Variants in CARS1 observed in about 807,000 individuals in gnomAD.
CARS1 encodes the protein cysteinyl-tRNA synthetase 1, also known as cysteine--tRNA ligase, cytoplasmic.
CARS1 carries 48 observed loss-of-function variants against 106.2 expected under a neutral mutation model. The ratio of observed to expected loss-of-function variants is 0.45; its 90% CI spans 0.36 to 0.57. CARS1 has a LOEUF of 0.57. Among genes scored for constraint, CARS1 ranks in the 20% least tolerant of loss-of-function variants. The pLI is 0.00. For synonymous variants in CARS1, 409 were observed against 403.4 expected (o/e 1.01, Z -0.17); for missense variants, 968 against 1,057.2 (o/e 0.92, Z 1.17).
chr11:3,033,655 A>G (rs1014813324), intron 7 of CARS1, among the ~76,000 whole-genome samples: 9 of 152,228 alleles, frequency 5.9e-5, no homozygotes, highest in African/African-American at 2.2e-4. Context: ...GAGACAAAGA[A>G]AAACAGAATA....
rs1402569560 is a variant in CARS1 at position 3,019,148 on chromosome 11, T to G, written c.1386A>C (p.Ala462=). Residue 462 remains alanine, a synonymous_variant, in exon 12 of 23, where the codon GCA becomes GCC. Coordinates refer to ENST00000380525, the MANE Select transcript of CARS1 (RefSeq NM_001014437.3). The surrounding 1 kb of genome is among the most constrained non-coding windows in gnomAD (Gnocchi z 6.2). ...LRFPHHDNEL[A]QSEAYFENDC... ...CTCTGTTTTCACCTACCTCCGACTG[T>G]GCCAGCTCATTGTCATGGTGGGGGA... 3.3e-6 allele frequency: 5 copies of G among 1,523,860 alleles called. No individual in the cohort carries two copies. In the African/African-American group the frequency reaches 7.0e-5, roughly 21 times the overall value. The allele number at this position is 1,523,860 out of a possible 1,614,324, so 94.4% of individuals were successfully genotyped here. A position where few individuals can be genotyped will look rare whatever the true frequency, so the allele number is the denominator to read the frequency against.
chr11:3,026,878 GC>G, intron 9 of CARS1, 81 bp from the exon 10 acceptor site: 1 of 1,516,136 alleles, frequency 6.6e-7, no homozygotes, highest in Non-Finnish European at 8.9e-7. Context: ...ACAAAATAAA[GC>G]AGGGCTATAA....
At position 3,022,894 on chromosome 11, in the gene CARS1, T is replaced by G; in HGVS notation, c.1154-2562A>C. Among the ~76,000 whole-genome samples, 1 of 152,186 alleles carries G rather than the reference T, an allele frequency of 6.6e-6. No individual in the cohort carries two copies. The highest frequency in any genetic ancestry group is 1.5e-5 in the Non-Finnish European group (1 of 68,018). ...GTCCCCATGGCGAGGAGCACATGAC[T>G]GCACAGAGCTAAGGCTACACTCCTT... On this transcript the variant is annotated intron_variant, in intron 10 of 22. Coordinates refer to ENST00000380525, the MANE Select transcript of CARS1 (RefSeq NM_001014437.3). This position sits in a 1 kb window ranked among gnomAD's most constrained non-coding sequence, Gnocchi z 4.9.
chr11:3,042,049 AC>A lies in CARS1; in HGVS notation c.366+115del, dbSNP rs1163132220. The A allele has an allele frequency of 5.8e-6, 4 of 688,924 alleles. No homozygotes were observed. In the African/African-American group the frequency reaches 7.3e-5, roughly 13 times the overall value. The allele number at this position is 688,924 out of a possible 1,614,324, so 42.7% of individuals were successfully genotyped here. A position where few individuals can be genotyped will look rare whatever the true frequency, so the allele number is the denominator to read the frequency against. On this transcript the variant is annotated intron_variant, in intron 3 of 22. Coordinates refer to ENST00000380525, the MANE Select transcript of CARS1 (RefSeq NM_001014437.3). ...AGGATCTTAAACCTGGATTTATGGA[AC>A]TCCAGATCCCAACACAAGGAACAGA...
intron 7 of CARS1, among the ~76,000 whole-genome samples, chr11:3,036,868 G>A (rs528444200): frequency 6.6e-6 from 1 of 152,246 alleles, no homozygotes; most frequent in African/African-American, 2.4e-5. Context: ...AGTCTGACAT[G>A]CACTACAGCA....
rs1321695323 is a variant in CARS1, at chr11:3,057,385, C to G, written c.-18G>C. The G allele has an allele frequency of 6.2e-7, 1 of 1,608,816 alleles. No individual in the cohort carries two copies. The highest frequency in any genetic ancestry group is 8.5e-7 in the Non-Finnish European group (1 of 1,177,942). On this transcript the variant is annotated 5_prime_UTR_variant, in exon 1 of 23. Coordinates refer to ENST00000380525, the MANE Select transcript of CARS1 (RefSeq NM_001014437.3). ...TCTGCCATGGCTGGGAATCCCGGACCCGCAGCTGCGGCTACAGACACTTCC... is the reference window on the plus strand; with the variant it reads ...TCTGCCATGGCTGGGAATCCCGGACGCGCAGCTGCGGCTACAGACACTTCC...
Position 3,044,557 on chromosome 11 carries a change from C to T in CARS1, c.275-2301G>A, listed in dbSNP as rs539745084. On this transcript the variant is annotated intron_variant, in intron 2 of 22. Transcript: ENST00000380525. The surrounding 1 kb of genome is among the most constrained non-coding windows in gnomAD (Gnocchi z 4.4). The stretch of plus-strand genomic sequence containing the variant: ...GACTACAGGCACCTGCCACCACGCC[C>T]CACCAATTTTTGTATCTTTAGTAGG... Among the ~76,000 whole-genome samples the T allele has an allele frequency of 2.8e-4, 43 of 152,226 alleles. No homozygotes were observed. Among genetic ancestry groups the T allele is most frequent in the South Asian group, 6.2e-4 (3 of 4,826 alleles).
rs1395256974 is a variant in CARS1 at position 3,045,195 on chromosome 11, G to A, written c.274+2558C>T. Reference sequence around the variant, plus strand: ...TGCTGGAGGCTGGTGATCCAGGGAAGGGATCCACCAGGAAGGGGTCTGGCT... The same window carrying A: ...TGCTGGAGGCTGGTGATCCAGGGAAAGGATCCACCAGGAAGGGGTCTGGCT... On this transcript the variant is annotated intron_variant, in intron 2 of 22. Coordinates refer to ENST00000380525, the MANE Select transcript of CARS1 (RefSeq NM_001014437.3). This position sits in a 1 kb window ranked among gnomAD's most constrained non-coding sequence, Gnocchi z 5.6. Among the ~76,000 whole-genome samples the A allele has an allele frequency of 2.0e-5, 3 of 152,164 alleles. No homozygotes were observed. Among genetic ancestry groups the A allele is most frequent in the Non-Finnish European group, 4.4e-5 (3 of 68,034 alleles).
chr11:3,055,561 C>T (rs193270966), intron 1 of CARS1, among the ~76,000 whole-genome samples: 22 of 152,360 alleles, frequency 1.4e-4, no homozygotes, highest in Non-Finnish European at 2.5e-4. Context: ...AGATGCTGTG[C>T]GCAGGCTGAG....
chr11:3,026,846 G>A (rs1565062718), intron 9 of CARS1, 49 bp from the exon 10 acceptor site: 2 of 1,579,466 alleles, frequency 1.3e-6, no homozygotes, highest in East Asian at 2.3e-5. Flanking sequence ...AGACCCGAAA[G>A]TGTGTCAGCA....
chr11:3,028,874 T>C lies in CARS1; in HGVS notation c.1031+122A>G. On this transcript the variant is annotated intron_variant, in intron 9 of 22. Coordinates refer to ENST00000380525, the MANE Select transcript of CARS1 (RefSeq NM_001014437.3). This position sits in a 1 kb window ranked among gnomAD's most constrained non-coding sequence, Gnocchi z 4.4. ...GTAGGAGGAAGTCTGCTGGGACTTC[T>C]AGCTACGCAGCCCCAGAACACCTGC... 1 of 729,022 alleles carries C rather than the reference T, an allele frequency of 1.4e-6. No individual in the cohort carries two copies. The highest frequency in any genetic ancestry group is 2.5e-5 in the East Asian group (1 of 40,670). The allele number at this position is 729,022 out of a possible 1,614,324, so 45.2% of individuals were successfully genotyped here.
chr11:3,042,084 T>C lies in CARS1; in HGVS notation c.366+81A>G, dbSNP rs183137497. ...CCAACACAAGGAACAGAGAAGTCTGTTGTGCGACAAGGCACATGGGCTGTC... is the reference window on the plus strand; with the variant it reads ...CCAACACAAGGAACAGAGAAGTCTGCTGTGCGACAAGGCACATGGGCTGTC... On this transcript the variant is annotated intron_variant, in intron 3 of 22. Transcript: ENST00000380525. The C allele has an allele frequency of 8.0e-6, 8 of 996,336 alleles. No individual in the cohort carries two copies. The Admixed American group carries it at 1.1e-4, about 14-fold the overall frequency. The allele number at this position is 996,336 out of a possible 1,614,324, so 61.7% of individuals were successfully genotyped here. A position where few individuals can be genotyped will look rare whatever the true frequency, so the allele number is the denominator to read the frequency against.
rs759833530 is a variant in CARS1, at chr11:3,001,224, C to T, written c.2386G>A (p.Gly796Ser). 1.2e-6 allele frequency: 2 copies of T among 1,613,912 alleles called. No individual in the cohort carries two copies. Among genetic ancestry groups the T allele is most frequent in the South Asian group, 2.2e-5 (2 of 91,090 alleles). The part of the protein sequence containing the change: ...ENGLPTHDME[G>S]KELSKGQAKK... ...GCTTGCCCTTTGCTGAGCTCTTTGC[C>T]CTCCATGTCATGTGTGGGCAGACCC... The change falls in exon 23 of 23, where the codon GGC becomes AGC. Residue 796 changes from glycine to serine, a missense_variant. By Grantham distance (56) the Gly-to-Ser change is moderately conservative. Transcript: ENST00000380525.
chr11:3,026,402 C>T (rs1286577591), intron 10 of CARS1, among the ~76,000 whole-genome samples: 1 of 152,172 alleles, frequency 6.6e-6, no homozygotes, highest in Non-Finnish European at 1.5e-5. Flanking sequence ...CCTAACTACC[C>T]CGATCATCAC....
chr11:3,036,581 T>C (rs1853669410), intron 7 of CARS1, among the ~76,000 whole-genome samples: 1 of 152,198 alleles, frequency 6.6e-6, no homozygotes, highest in Admixed American at 6.5e-5. Context: ...GGTGGGAATG[T>C]GTAATAGTGC....
rs1855049340 is a variant in CARS1, at chr11:3,046,127, G to A, written c.274+1626C>T. Among the ~76,000 whole-genome samples the A allele has an allele frequency of 6.6e-6, 1 of 152,196 alleles. No homozygotes were observed. Among genetic ancestry groups the A allele is most frequent in the Non-Finnish European group, 1.5e-5 (1 of 68,026 alleles). Reference sequence around the variant, plus strand: ...CAGCAACTCCATTAGTGCTATCCATGGTCCATTCTGTTACACAGCAACGTG... The same window carrying A: ...CAGCAACTCCATTAGTGCTATCCATAGTCCATTCTGTTACACAGCAACGTG... On this transcript the variant is annotated intron_variant, in intron 2 of 22. Transcript: ENST00000380525. The surrounding 1 kb of genome is among the most constrained non-coding windows in gnomAD (Gnocchi z 5.8).
At position 3,026,173 on chromosome 11, in the gene CARS1, T is replaced by C. The variant is rs564755639; in HGVS notation, c.1153+503A>G. Reference sequence around the variant, plus strand: ...CTCAAGGAGGTGCAGCATAGAACAGTGGTCACCAGAAGCTGAGAAGAGTCA... The same window carrying C: ...CTCAAGGAGGTGCAGCATAGAACAGCGGTCACCAGAAGCTGAGAAGAGTCA... On this transcript the variant is annotated intron_variant, in intron 10 of 22. Transcript: ENST00000380525. 3.9e-5 allele frequency among the ~76,000 whole-genome samples: 6 copies of C among 152,138 alleles called. No individual in the cohort carries two copies. The South Asian group carries it at 8.3e-4, about 21-fold the overall frequency.
At chr11:3,032,870 TGA>T (rs1262548005) in intron 7 of CARS1, among the ~76,000 whole-genome samples, 1 of 151,098 alleles carries the variant, frequency 6.6e-6, no homozygotes, top group African/African-American at 2.4e-5. Flanking sequence ...GTAACAATCC[TGA>T]GAGTGAACCC....
At position 3,037,907 on chromosome 11, in the gene CARS1, C is replaced by T. The variant is rs2134242454; in HGVS notation, c.801+143G>A. On this transcript the variant is annotated intron_variant, in intron 7 of 22. Transcript: ENST00000380525. This position sits in a 1 kb window ranked among gnomAD's most constrained non-coding sequence, Gnocchi z 5.9. The stretch of plus-strand genomic sequence containing the variant: ...TGACTCAGCCACCGCAGAACAGGGC[C>T]GCCTGCCACAGTGGAGCTACTGGAG... The T allele has an allele frequency of 3.7e-6, 3 of 804,766 alleles. No individual in the cohort carries two copies. The highest frequency in any genetic ancestry group is 5.8e-6 in the Non-Finnish European group (3 of 520,026). The allele number at this position is 804,766 out of a possible 1,614,324, so 49.9% of individuals were successfully genotyped here.
Sources: gnomAD v4.1 joint callset for allele counts (sites outside exome capture counted in the v4.1 genomes callset) on GRCh38, gnomAD v4.1.1 for gene constraint, Gnocchi (gnomAD v3.1) non-coding constraint, MANE v1.5 for transcripts, NCBI Gene and HGNC (gene_info 2026-07-23, HGNC 2026-07-21) for gene names.